RYR3: variants seen among roughly 807,000 people sequenced by gnomAD.
The protein encoded by RYR3 is ryanodine receptor 3, also known as brain ryanodine receptor-calcium release channel.
Under a neutral mutation model 584.3 loss-of-function variants are expected in RYR3, and 207 were observed. The observed-to-expected ratio is 0.35, with a 90% CI of 0.32 to 0.40. RYR3 has a LOEUF of 0.40. Among genes scored for constraint, RYR3 ranks in the 10% least tolerant of loss-of-function variants. The pLI is 1.00. For synonymous variants in RYR3, 2,416 were observed against 2,248.5 expected (o/e 1.07, Z -2.11); for missense variants, 5,616 against 6,089.2 (o/e 0.92, Z 2.59).
intron 10 of RYR3, 41 bp downstream of exon 10, chr15:33,550,357 T>A: frequency 6.4e-7 from 1 of 1,571,690 alleles, no homozygotes; most frequent in Non-Finnish European, 8.6e-7. Context: ...GTTCTAAAAG[T>A]GAAAACTCAG....
Position 33,584,490 on chromosome 15 carries a change from G to A in RYR3, c.1669G>A (p.Gly557Ser). The change falls in exon 15 of 104, where the codon GGT (glycine) becomes AGT (serine). Residue 557 changes from glycine (G) to serine (S), a missense_variant and splice_region_variant. Physicochemically the swap from Gly to Ser is moderately conservative, Grantham distance 56. Transcript: ENST00000634891. ...ATTGGACAGACTAGAATCTTCCTCA[G>A]GTGAGAATTGACAGGAAACTATAAC... Reference protein sequence around the residue: ...SKLDRLESSSGILEVLHCILT... With the variant: ...SKLDRLESSSSILEVLHCILT... 1 of 1,435,838 alleles carries A rather than the reference G, an allele frequency of 7.0e-7. No individual in the cohort carries two copies. Among genetic ancestry groups the A allele is most frequent in the African/African-American group, 1.4e-5 (1 of 70,872 alleles). 88.9% of individuals were successfully genotyped at this position (1,435,838 alleles called of 1,614,324 possible).
chr15:33,324,064 T>C (rs1969368709), intron 1 of RYR3, among the ~76,000 whole-genome samples: 1 of 152,150 alleles, frequency 6.6e-6, no homozygotes, highest in Non-Finnish European at 1.5e-5. Context: ...CCCAGACTTC[T>C]TTATCACCAT....
At chr15:33,583,388 G>A (rs747712145) in intron 14 of RYR3, among the ~76,000 whole-genome samples, 3 of 152,154 alleles carry the variant, frequency 2.0e-5, no homozygotes, top group Non-Finnish European at 4.4e-5. Flanking sequence ...AGAAAACATT[G>A]CAAGAAGTTG....
At chr15:33,697,732 T>C in intron 39 of RYR3, 150 bp from the exon 40 acceptor site, 1 of 569,688 alleles carries the variant, frequency 1.8e-6, no homozygotes, top group South Asian at 2.4e-5. Context: ...TCCACATATA[T>C]TCCAGCTGAA....
chr15:33,417,264 G>A (rs1189228012), intron 1 of RYR3, among the ~76,000 whole-genome samples: 1 of 152,026 alleles, frequency 6.6e-6, no homozygotes, highest in Non-Finnish European at 1.5e-5. Flanking sequence ...CACTTAATTT[G>A]TAGATTGCTC....
chr15:33,556,536 C>T (rs1054947900), intron 10 of RYR3, among the ~76,000 whole-genome samples: 2 of 152,206 alleles, frequency 1.3e-5, no homozygotes, highest in African/African-American at 4.8e-5. Context: ...ACAGGACTAA[C>T]AAGAGCTTAT....
intron 92 of RYR3, 102 bp from the exon 93 acceptor site, chr15:33,844,760 A>C (rs1242932584): frequency 2.0e-6 from 2 of 999,112 alleles, no homozygotes; most frequent in Non-Finnish European, 1.5e-6. Flanking sequence ...TTGAGTCACT[A>C]CTATTTGTAT....
chr15:33,634,845 C>T (rs1166642095), intron 25 of RYR3, 112 bp downstream of exon 25: 2 of 844,752 alleles, frequency 2.4e-6, no homozygotes, highest in East Asian at 2.4e-5. Context: ...AGTATTGGGG[C>T]TGAAGAGCAC....
At chr15:33,664,926 C>G (rs1298755460) in intron 36 of RYR3, among the ~76,000 whole-genome samples, 1 of 152,144 alleles carries the variant, frequency 6.6e-6, no homozygotes, top group Non-Finnish European at 1.5e-5. Flanking sequence ...AAAAGACTCT[C>G]TTGAATGATA....
chr15:33,543,851 T>G (rs1317083852), intron 8 of RYR3, 136 bp downstream of exon 8: 11 of 694,218 alleles, frequency 1.6e-5, no homozygotes, highest in South Asian at 3.4e-5. Context: ...CAGCCATGGG[T>G]TCCGGTTTGT....
chr15:33,372,587 A>G (rs4421944), intron 1 of RYR3, among the ~76,000 whole-genome samples: 70,058 of 151,684 alleles, frequency 0.46, 16,744 homozygotes, highest in African/African-American at 0.58. Context: ...GGATGGTCTC[A>G]GTCTCCTGAC....
chr15:33,395,191 G>A (rs1189182631), intron 1 of RYR3, among the ~76,000 whole-genome samples: 2 of 152,222 alleles, frequency 1.3e-5, no homozygotes, highest in Non-Finnish European at 2.9e-5. Flanking sequence ...GAAAACTAGT[G>A]CCCGTGCTTA....
intron 1 of RYR3, among the ~76,000 whole-genome samples, chr15:33,455,824 G>A (rs1567275582): frequency 6.6e-6 from 1 of 152,114 alleles, no homozygotes; most frequent in Non-Finnish European, 1.5e-5. Flanking sequence ...CCTATTTATT[G>A]CACATAATCC....
At chr15:33,532,382 CCTTCTGTCCCATGGTCATGGGAA>C in intron 4 of RYR3, among the ~76,000 whole-genome samples, 1 of 152,022 alleles carries the variant, frequency 6.6e-6, no homozygotes, top group South Asian at 2.1e-4. Flanking sequence ...GGTCATGGGA[CCTTCTGTCCCATGGTCATGGGAA>C]GGTCATCCAT....
chr15:33,776,901 T>C lies in RYR3; in HGVS notation c.9137+3286T>C, dbSNP rs116784463. Among the ~76,000 whole-genome samples the C allele has an allele frequency of 6.9e-3, 1,054 of 152,322 alleles. 15 individuals carry two copies. Among genetic ancestry groups the C allele is most frequent in the African/African-American group, 0.024 (978 of 41,576 alleles). ...AATTAGGATGTAACAAAAACTGAAATACAAACTGAACACTGTCCAGTCTGT... is the reference window on the plus strand; with the variant it reads ...AATTAGGATGTAACAAAAACTGAAACACAAACTGAACACTGTCCAGTCTGT... On this transcript the variant is annotated intron_variant, in intron 64 of 103. Transcript: ENST00000634891.
chr15:33,609,129 C>G (rs550154249), intron 18 of RYR3, among the ~76,000 whole-genome samples: 1 of 152,156 alleles, frequency 6.6e-6, no homozygotes, highest in Non-Finnish European at 1.5e-5. Context: ...CAGTTTTGTC[C>G]CAGTTTGTAT....
At chr15:33,375,375 G>T (rs2040648896) in intron 1 of RYR3, among the ~76,000 whole-genome samples, 1 of 152,162 alleles carries the variant, frequency 6.6e-6, no homozygotes, top group Non-Finnish European at 1.5e-5. Context: ...GAGCCTAGTC[G>T]GCTGCAATCA....
chr15:33,813,013 G>T lies in RYR3; in HGVS notation c.10389+19G>T, dbSNP rs780773115. On this transcript the variant is annotated intron_variant, in intron 73 of 103. Coordinates refer to ENST00000634891, the MANE Select transcript of RYR3 (RefSeq NM_001036.6). The stretch of plus-strand genomic sequence containing the variant: ...GGAACAGGTAAGGAGCATCTGCCCT[G>T]AGGAATGGGGAAGCAGAAACACCCT... 6.2e-7 allele frequency: 1 copy of T among 1,613,756 alleles called. No individual in the cohort carries two copies. Among genetic ancestry groups the T allele is most frequent in the South Asian group, 1.1e-5 (1 of 91,060 alleles).
chr15:33,795,380 CT>C (rs1201963780), intron 67 of RYR3, among the ~76,000 whole-genome samples: 8 of 92,466 alleles, frequency 8.7e-5, no homozygotes, highest in Admixed American at 4.9e-4. Flanking sequence ...TTTTTCTTTT[CT>C]TTTTTTTTTT....
Sources: allele counts gnomAD v4.1 joint callset (sites outside exome capture counted in the v4.1 genomes callset), GRCh38; gene constraint gnomAD v4.1.1; transcripts MANE v1.5; gene names NCBI Gene and HGNC (gene_info 2026-07-23, HGNC 2026-07-21).